The following TRAPPC9 variants were observed in gnomAD, a reference collection of about 807,000 sequenced individuals.
TRAPPC9 encodes trafficking protein particle complex subunit 9, also known as IKK2 binding protein.
Under a neutral mutation model 124.0 loss-of-function variants are expected in TRAPPC9, and 83 were observed. The observed-to-expected ratio is 0.67, with a 90% CI of 0.56 to 0.80. TRAPPC9 has a LOEUF of 0.80. Ranked by LOEUF, TRAPPC9 falls within the 30% of genes least tolerant of loss-of-function variation. The probability of loss-of-function intolerance (pLI) is 0.00; values close to 1 mark genes in which losing one functional copy is unlikely to be tolerated. For synonymous variants in TRAPPC9, 638 were observed against 617.5 expected (o/e 1.03, Z -0.49); for missense variants, 1,302 against 1,508.3 (o/e 0.86, Z 2.27).
intron 7 of TRAPPC9, among the ~76,000 whole-genome samples, chr8:140,391,968 G>C (rs1250645390): frequency 6.6e-6 from 1 of 151,848 alleles, no homozygotes; most frequent in African/African-American, 2.4e-5. Context: ...AGAAGTTGCA[G>C]TGAGCTGAGA....
At chr8:140,438,230 C>A (rs1351257297) in intron 3 of TRAPPC9, among the ~76,000 whole-genome samples, 3 of 152,160 alleles carry the variant, frequency 2.0e-5, no homozygotes, top group Non-Finnish European at 2.9e-5. Flanking sequence ...CCTATTCTAG[C>A]CACTTCATAT....
intron 17 of TRAPPC9, among the ~76,000 whole-genome samples, chr8:140,175,993 G>A (rs1363887661): frequency 6.6e-6 from 1 of 152,202 alleles, no homozygotes; most frequent in East Asian, 1.9e-4. Context: ...TTGTTCTTAA[G>A]AAACTGAGAG....
At chr8:140,099,179 C>T (rs137917536) in intron 17 of TRAPPC9, 1 of 151,464 alleles carries the variant, frequency 6.6e-6, no homozygotes, top group Non-Finnish European at 1.5e-5. Context: ...CTCCGTGATC[C>T]TGCGCAGCCT....
intron 17 of TRAPPC9, among the ~76,000 whole-genome samples, chr8:140,041,298 C>A (rs543981917): frequency 7.8e-4 from 119 of 152,266 alleles, no homozygotes; most frequent in Middle Eastern, 3.4e-3. Flanking sequence ...AGTAAAGTGT[C>A]CAAATGATTA....
chr8:139,814,126 C>T (rs539149206), intron 21 of TRAPPC9, among the ~76,000 whole-genome samples: 8 of 152,354 alleles, frequency 5.3e-5, no homozygotes, highest in East Asian at 3.9e-4. Context: ...CACGTTCCTC[C>T]GGCAGCCGCC....
chr8:140,051,311 C>T (rs998712129), intron 17 of TRAPPC9, among the ~76,000 whole-genome samples: 1 of 152,224 alleles, frequency 6.6e-6, no homozygotes, highest in Non-Finnish European at 1.5e-5. Flanking sequence ...AGAGCAGCTC[C>T]ACACTGGGAT....
At position 140,144,211 on chromosome 8, in the gene TRAPPC9, T is replaced by C. The variant is rs184824369; in HGVS notation, c.2556+77248A>G. ...TGAATTCTAACATTTACTTCTCAAG[T>C]TGATTTTTAAATTCCTGTTGGAATT... On this transcript the variant is annotated intron_variant, in intron 17 of 22. Coordinates refer to ENST00000438773, the MANE Select transcript of TRAPPC9 (RefSeq NM_001160372.4). Among the ~76,000 whole-genome samples, 10 of 152,330 alleles carry C rather than the reference T, an allele frequency of 6.6e-5. No individual in the cohort carries two copies. The East Asian group carries it at 1.9e-3, about 29-fold the overall frequency.
chr8:140,148,510 T>C (rs530018653), intron 17 of TRAPPC9, among the ~76,000 whole-genome samples: 3 of 152,208 alleles, frequency 2.0e-5, no homozygotes, highest in Non-Finnish European at 4.4e-5. Flanking sequence ...TCCAGAGTCA[T>C]TTTAATGTGC....
At chr8:140,068,000 C>A (rs879841554) in intron 17 of TRAPPC9, among the ~76,000 whole-genome samples, 2 of 113,454 alleles carry the variant, frequency 1.8e-5, no homozygotes, top group Non-Finnish European at 3.5e-5. Context: ...GTAAAACAAG[C>A]GGATTTATGT....
At chr8:140,334,413 G>T (rs2066980208) in intron 9 of TRAPPC9, among the ~76,000 whole-genome samples, 1 of 151,828 alleles carries the variant, frequency 6.6e-6, no homozygotes, top group Non-Finnish European at 1.5e-5. Context: ...ACTTTGGGAG[G>T]CCAAGGCAGG....
chr8:139,988,167 G>A (rs572893187), intron 19 of TRAPPC9, among the ~76,000 whole-genome samples: 17 of 148,824 alleles, frequency 1.1e-4, no homozygotes, highest in African/African-American at 4.0e-4. Context: ...GGAGTACGGT[G>A]GTACGATCGA....
At chr8:140,397,561 T>C (rs534361151) in intron 7 of TRAPPC9, 59 bp downstream of exon 7, 13 of 1,602,022 alleles carry the variant, frequency 8.1e-6, no homozygotes, top group Middle Eastern at 1.9e-4. Context: ...GAATTCATAG[T>C]GAATCAATTC....
intron 21 of TRAPPC9, among the ~76,000 whole-genome samples, chr8:139,806,892 G>A (rs932490821): frequency 7.9e-5 from 12 of 152,240 alleles, no homozygotes; most frequent in South Asian, 2.1e-4. Context: ...TAGAAGGGGC[G>A]GGGGTGTTAA....
chr8:139,843,150 G>T (rs1047793287), intron 21 of TRAPPC9, among the ~76,000 whole-genome samples: 1 of 152,258 alleles, frequency 6.6e-6, no homozygotes, highest in Admixed American at 6.5e-5. Context: ...GGGCTAAGTG[G>T]AAGAACACGT....
At chr8:139,964,945 C>T (rs1298907117) in intron 19 of TRAPPC9, among the ~76,000 whole-genome samples, 5 of 152,302 alleles carry the variant, frequency 3.3e-5, no homozygotes, top group Middle Eastern at 3.4e-3. Context: ...CCTATCGTAC[C>T]GAGCCTAACT....
intron 17 of TRAPPC9, among the ~76,000 whole-genome samples, chr8:140,037,884 A>G (rs1841012534): frequency 7.4e-6 from 1 of 134,756 alleles, no homozygotes; most frequent in African/African-American, 2.7e-5. Context: ...CCTCCAACAC[A>G]CACACACACA....
intron 9 of TRAPPC9, among the ~76,000 whole-genome samples, chr8:140,346,887 C>T (rs2067364078): frequency 6.6e-6 from 1 of 152,254 alleles, no homozygotes; most frequent in South Asian, 2.1e-4. Context: ...AAAATCGTCA[C>T]CACTGTGTCC....
chr8:140,033,658 GT>G (rs776155126), intron 17 of TRAPPC9, among the ~76,000 whole-genome samples: 126 of 42,390 alleles, frequency 3.0e-3, no homozygotes, highest in Non-Finnish European at 5.6e-3. Context: ...TCATAATGTG[GT>G]TTTTTTTTTT....
chr8:140,321,672 T>C (rs369251554), intron 9 of TRAPPC9, among the ~76,000 whole-genome samples: 1 of 152,210 alleles, frequency 6.6e-6, no homozygotes. Context: ...GGAAGACACT[T>C]TCACCGCCTG....
Sources: gnomAD v4.1 joint callset for allele counts (sites outside exome capture counted in the v4.1 genomes callset) on GRCh38, gnomAD v4.1.1 for gene constraint, MANE v1.5 for transcripts, NCBI Gene and HGNC (gene_info 2026-07-23, HGNC 2026-07-21) for gene names.